BRINP3: variants seen among roughly 807,000 people sequenced by gnomAD.
BRINP3 encodes BMP/retinoic acid inducible neural specific 3.
BRINP3 carries 19 observed loss-of-function variants against 71.0 expected under a neutral mutation model. That is an observed-to-expected ratio of 0.27 (90% CI 0.19 to 0.39). The LOEUF is 0.39. Among genes scored for constraint, BRINP3 ranks in the 10% least tolerant of loss-of-function variants. The probability of loss-of-function intolerance (pLI) is 1.00; values close to 1 mark genes in which losing one functional copy is unlikely to be tolerated. For missense variants in BRINP3, 959 were observed against 940.8 expected (o/e 1.02, Z -0.25); for synonymous variants, 380 against 337.7 (o/e 1.13, Z -1.37).
chr1:190,189,682 A>G (rs1190111542), intron 6 of BRINP3, among the ~76,000 whole-genome samples: 1 of 151,660 alleles, frequency 6.6e-6, no homozygotes, highest in Admixed American at 6.6e-5. Context: ...TTTTTTATCT[A>G]GATTCTCTTA....
At chr1:190,403,626 A>G (rs1187950754) in intron 2 of BRINP3, among the ~76,000 whole-genome samples, 1 of 152,240 alleles carries the variant, frequency 6.6e-6, no homozygotes, top group Non-Finnish European at 1.5e-5. Context: ...ATGAGGAATG[A>G]GTCAACACAT....
intron 3 of BRINP3, among the ~76,000 whole-genome samples, chr1:190,281,127 C>T (rs1278819326): frequency 4.0e-5 from 6 of 151,898 alleles, no homozygotes; most frequent in Non-Finnish European, 7.4e-5. Context: ...CAGCTACAAT[C>T]TGTATCAACT....
intron 6 of BRINP3, among the ~76,000 whole-genome samples, chr1:190,184,156 G>T (rs954608584): frequency 2.0e-5 from 3 of 152,134 alleles, no homozygotes; most frequent in Admixed American, 2.0e-4. Context: ...GAATGTGAAT[G>T]TCTCTGCACT....
intron 7 of BRINP3, among the ~76,000 whole-genome samples, chr1:190,119,880 G>T (rs1653486289): frequency 6.6e-6 from 1 of 152,172 alleles, no homozygotes; most frequent in Non-Finnish European, 1.5e-5. Context: ...GGGACTGCAG[G>T]CTACTCCTCA....
intron 6 of BRINP3, among the ~76,000 whole-genome samples, chr1:190,217,815 A>G (rs1219210994): frequency 6.6e-6 from 1 of 152,064 alleles, no homozygotes; most frequent in Non-Finnish European, 1.5e-5. Context: ...TATAAACCTA[A>G]GATGAACAGT....
chr1:190,311,577 G>A (rs1206616663), intron 2 of BRINP3, among the ~76,000 whole-genome samples: 1 of 151,502 alleles, frequency 6.6e-6, no homozygotes, highest in East Asian at 1.9e-4. Context: ...TAGAATCTGG[G>A]AAGTGATATA....
intron 2 of BRINP3, among the ~76,000 whole-genome samples, chr1:190,354,187 T>C (rs1571839685): frequency 6.6e-6 from 1 of 152,034 alleles, no homozygotes; most frequent in African/African-American, 2.4e-5. Context: ...TATCAAGTTA[T>C]AGTATTTTAT....
intron 2 of BRINP3, among the ~76,000 whole-genome samples, chr1:190,432,880 T>C (rs1004287128): frequency 6.6e-6 from 1 of 152,188 alleles, no homozygotes; most frequent in African/African-American, 2.4e-5. Flanking sequence ...AGCAAAAGAT[T>C]AGTTGTCTGT....
intron 6 of BRINP3, among the ~76,000 whole-genome samples, chr1:190,188,375 G>T (rs564782010): frequency 7.8e-4 from 118 of 152,102 alleles, no homozygotes; most frequent in African/African-American, 2.6e-3. Context: ...TTGTTTAATT[G>T]CTCTTGCTAA....
intron 2 of BRINP3, among the ~76,000 whole-genome samples, chr1:190,424,888 A>G (rs1029360172): frequency 6.6e-6 from 1 of 151,676 alleles, no homozygotes; most frequent in African/African-American, 2.4e-5. Context: ...CAAAGAAGTA[A>G]GTATGATGAC....
chr1:190,335,119 G>A (rs1667206193), intron 2 of BRINP3, among the ~76,000 whole-genome samples: 1 of 151,828 alleles, frequency 6.6e-6, no homozygotes, highest in South Asian at 2.1e-4. Flanking sequence ...GGAAAGCAGG[G>A]AGAATTCTTT....
intron 6 of BRINP3, among the ~76,000 whole-genome samples, chr1:190,220,089 A>G (rs1004395192): frequency 1.3e-5 from 2 of 152,076 alleles, no homozygotes; most frequent in Non-Finnish European, 2.9e-5. Flanking sequence ...ATATTCAGGT[A>G]TAGAACGATC....
At chr1:190,254,234 T>G (rs1660431555) in intron 4 of BRINP3, among the ~76,000 whole-genome samples, 1 of 152,190 alleles carries the variant, frequency 6.6e-6, no homozygotes, top group Non-Finnish European at 1.5e-5. Flanking sequence ...TGCTTAGGAT[T>G]GTCTTGGCAA....
At chr1:190,221,604 A>G (rs978165744) in intron 6 of BRINP3, among the ~76,000 whole-genome samples, 2 of 152,116 alleles carry the variant, frequency 1.3e-5, no homozygotes, top group Non-Finnish European at 2.9e-5. Context: ...TCACTTCCCC[A>G]ATTATAACGT....
intron 2 of BRINP3, among the ~76,000 whole-genome samples, chr1:190,366,961 T>C (rs918231266): frequency 1.3e-5 from 2 of 152,176 alleles, no homozygotes; most frequent in Non-Finnish European, 2.9e-5. Flanking sequence ...TGGGCTGGCA[T>C]TGAGTGTATG....
At chr1:190,297,354 C>T (rs911101541) in intron 2 of BRINP3, among the ~76,000 whole-genome samples, 2 of 150,586 alleles carry the variant, frequency 1.3e-5, no homozygotes, top group African/African-American at 4.9e-5. Context: ...TTGTCTCATA[C>T]AATACACAAA....
intron 6 of BRINP3, among the ~76,000 whole-genome samples, chr1:190,183,643 C>T (rs1653241953): frequency 6.6e-6 from 1 of 152,086 alleles, no homozygotes; most frequent in Non-Finnish European, 1.5e-5. Context: ...CAGATATCTC[C>T]ACTGATACTG....
chr1:190,100,760 C>T (rs538168178), intron 7 of BRINP3, among the ~76,000 whole-genome samples: 1 of 152,092 alleles, frequency 6.6e-6, no homozygotes, highest in Non-Finnish European at 1.5e-5. Flanking sequence ...CTAAGCCAAC[C>T]ATAAAACATT....
At chr1:190,237,416 G>T (rs1658626513) in intron 4 of BRINP3, among the ~76,000 whole-genome samples, 1 of 151,386 alleles carries the variant, frequency 6.6e-6, no homozygotes, top group African/African-American at 2.4e-5. Flanking sequence ...AAAATGTAAA[G>T]AAAATAAAAA....
Sources: allele counts gnomAD v4.1 joint callset (sites outside exome capture counted in the v4.1 genomes callset), GRCh38; gene constraint gnomAD v4.1.1; transcripts MANE v1.5; gene names NCBI Gene and HGNC (gene_info 2026-07-23, HGNC 2026-07-21).